Variants in SLC38A1 observed in about 807,000 individuals in gnomAD.
The protein encoded by SLC38A1 is sodium-coupled neutral amino acid symporter 1.
In SLC38A1, 18 loss-of-function variants were observed where a neutral mutation model predicts 60.3. The observed-to-expected ratio is 0.30, with a 90% CI of 0.21 to 0.44. The LOEUF (loss-of-function observed/expected upper bound fraction) is 0.44, where lower values mean the gene tolerates loss of function less well. SLC38A1 is among the 20% of genes least tolerant of loss of function. The pLI, the probability that SLC38A1 is intolerant of heterozygous loss-of-function variation, is 1.00. For synonymous variants in SLC38A1, 196 were observed against 212.1 expected, an observed-to-expected ratio of 0.92 and a Z score of 0.66; for missense variants, 448 against 587.2, an observed-to-expected ratio of 0.76 and a Z score of 2.45.
At chr12:46,252,192 C>T (rs1941868114) in intron 1 of SLC38A1, among the ~76,000 whole-genome samples, 1 of 152,218 alleles carries the variant, frequency 6.6e-6, no homozygotes, top group African/African-American at 2.4e-5. Flanking sequence ...TTTGAAGGGA[C>T]ATGAATGAAG....
At chr12:46,266,292 G>C (rs1323914851) in intron 1 of SLC38A1, among the ~76,000 whole-genome samples, 2 of 151,998 alleles carry the variant, frequency 1.3e-5, no homozygotes, top group Non-Finnish European at 2.9e-5. Flanking sequence ...TCAGAAACAT[G>C]GTGCTCCTTT....
intron 3 of SLC38A1, among the ~76,000 whole-genome samples, chr12:46,234,540 T>C (rs993057138): frequency 2.6e-5 from 4 of 151,058 alleles, no homozygotes; most frequent in South Asian, 2.1e-4. Context: ...CTCCGCCTCC[T>C]GGGTTCACGC....
At chr12:46,224,592 T>C (rs1940794044) in intron 5 of SLC38A1, among the ~76,000 whole-genome samples, 1 of 152,146 alleles carries the variant, frequency 6.6e-6, no homozygotes, top group Non-Finnish European at 1.5e-5. Flanking sequence ...CTTTCCTGTG[T>C]TGGCCAATGT....
intron 1 of SLC38A1, among the ~76,000 whole-genome samples, chr12:46,265,605 G>T (rs1055185967): frequency 6.6e-6 from 1 of 152,220 alleles, no homozygotes; most frequent in Non-Finnish European, 1.5e-5. Context: ...GGTCCTAAGT[G>T]TATGGCTAAG....
intron 5 of SLC38A1, among the ~76,000 whole-genome samples, chr12:46,212,491 G>T (rs1940219545): frequency 6.6e-6 from 1 of 152,212 alleles, no homozygotes; most frequent in Admixed American, 6.5e-5. Flanking sequence ...TCAGACTTAT[G>T]TTCATCTTTG....
chr12:46,207,715 G>T, intron 6 of SLC38A1, 94 bp from the exon 7 acceptor site: 1 of 1,184,112 alleles, frequency 8.4e-7, no homozygotes. Context: ...TGTTCCCCAA[G>T]TTACTATGTG....
intron 1 of SLC38A1, among the ~76,000 whole-genome samples, chr12:46,246,801 A>T (rs1457383999): frequency 8.5e-5 from 13 of 152,152 alleles, no homozygotes; most frequent in Admixed American, 8.5e-4. Context: ...TCTTGGACAA[A>T]GCTTCCAGAG....
intron 1 of SLC38A1, among the ~76,000 whole-genome samples, chr12:46,262,974 C>T (rs1942243784): frequency 6.6e-6 from 1 of 152,138 alleles, no homozygotes; most frequent in Non-Finnish European, 1.5e-5. Context: ...ATTCTATACA[C>T]TATTTCTTAA....
intron 16 of SLC38A1, among the ~76,000 whole-genome samples, chr12:46,195,423 G>T (rs1565748770): frequency 6.6e-6 from 1 of 152,188 alleles, no homozygotes; most frequent in Non-Finnish European, 1.5e-5. Context: ...GAGGCAGTCT[G>T]TCTGTTCTTG....
At chr12:46,208,189 A>G (rs1939994038) in intron 6 of SLC38A1, among the ~76,000 whole-genome samples, 1 of 152,262 alleles carries the variant, frequency 6.6e-6, no homozygotes, top group Admixed American at 6.5e-5. Flanking sequence ...AACTCACAAA[A>G]GAGAGCAGAA....
intron 3 of SLC38A1, among the ~76,000 whole-genome samples, chr12:46,235,365 T>C (rs1015226181): frequency 6.6e-6 from 1 of 152,176 alleles, no homozygotes; most frequent in South Asian, 2.1e-4. Flanking sequence ...TTCCTACTCC[T>C]TTCTCTGAAA....
At chr12:46,232,601 A>C (rs1941117784) in intron 3 of SLC38A1, among the ~76,000 whole-genome samples, 1 of 152,220 alleles carries the variant, frequency 6.6e-6, no homozygotes, top group African/African-American at 2.4e-5. Flanking sequence ...GCCCTAAGAA[A>C]AGTGGGGACT....
chr12:46,244,290 G>A (rs1941542811), intron 1 of SLC38A1, among the ~76,000 whole-genome samples: 1 of 152,184 alleles, frequency 6.6e-6, no homozygotes, highest in Non-Finnish European at 1.5e-5. Context: ...ATATTAGACT[G>A]GGGGAGAGAG....
In SLC38A1 at chr12:46,187,444, A is replaced by C. The variant is rs1328733715; in HGVS notation, c.*1526T>G. 1 of 152,264 alleles carries C rather than the reference A, an allele frequency of 6.6e-6. No homozygotes were observed. The highest frequency in any genetic ancestry group is 1.5e-5 in the Non-Finnish European group (1 of 68,056). 9.4% of individuals were successfully genotyped at this position (152,264 alleles called of 1,614,324 possible). On this transcript the variant is annotated 3_prime_UTR_variant, in exon 17 of 17. Coordinates refer to ENST00000398637, the MANE Select transcript of SLC38A1 (RefSeq NM_030674.4). ...AGCATGCACATTTCTCACCATAGGC[A>C]AGCTATGGACAATTCAATCACATGG... is the stretch of plus-strand genomic sequence containing the variant.
intron 1 of SLC38A1, among the ~76,000 whole-genome samples, chr12:46,256,994 G>C (rs1470275521): frequency 6.6e-6 from 1 of 152,172 alleles, no homozygotes; most frequent in East Asian, 1.9e-4. Context: ...AAAGGAGAGA[G>C]AGAAAAGCAT....
chr12:46,226,630 T>C (rs1592114877), intron 5 of SLC38A1, among the ~76,000 whole-genome samples: 1 of 112,024 alleles, frequency 8.9e-6, no homozygotes, highest in South Asian at 3.0e-4. Context: ...TTTTTTTTTT[T>C]TTTTTTTTTT....
At chr12:46,193,031 C>T (rs1235304117) in intron 16 of SLC38A1, among the ~76,000 whole-genome samples, 1 of 152,072 alleles carries the variant, frequency 6.6e-6, no homozygotes, top group African/African-American at 2.4e-5. Context: ...GTAGGGGTGT[C>T]GATTTTAGAT....
intron 8 of SLC38A1, among the ~76,000 whole-genome samples, chr12:46,206,414 C>G (rs2137182655): frequency 6.6e-6 from 1 of 151,466 alleles, no homozygotes; most frequent in African/African-American, 2.4e-5. Flanking sequence ...ATGTGGCATT[C>G]TTTTGAATTA....
chr12:46,267,835 C>G (rs1289640595), intron 1 of SLC38A1: 1 of 152,346 alleles, frequency 6.6e-6, no homozygotes, highest in Non-Finnish European at 1.5e-5. Context: ...CTCGAAAAAA[C>G]ACTACCTCTG....
Sources: gnomAD v4.1 joint callset for allele counts (sites outside exome capture counted in the v4.1 genomes callset) on GRCh38, gnomAD v4.1.1 for gene constraint, MANE v1.5 for transcripts, NCBI Gene and HGNC (gene_info 2026-07-23, HGNC 2026-07-21) for gene names.